The following RAD52 variants were observed in gnomAD, a reference collection of about 807,000 sequenced individuals.
RAD52 encodes DNA repair protein RAD52 homolog.
A neutral mutation model predicts 55.5 loss-of-function variants in RAD52; 47 were observed. That is an observed-to-expected ratio of 0.85 (90% confidence interval 0.67 to 1.08). The LOEUF (loss-of-function observed/expected upper bound fraction) is 1.08, where lower values mean the gene tolerates loss of function less well. RAD52 is among the 50% of genes least tolerant of loss of function. The pLI, the probability that RAD52 is intolerant of heterozygous loss-of-function variation, is 0.00. For synonymous variants in RAD52, 184 were observed against 198.9 expected, an observed-to-expected ratio of 0.92 and a Z score of 0.63; for missense variants, 468 against 522.8, an observed-to-expected ratio of 0.90 and a Z score of 1.02.
chr12:958,756 C>T (rs1371522094), intron 1 of RAD52, among the ~76,000 whole-genome samples: 1 of 152,126 alleles, frequency 6.6e-6, no homozygotes, highest in Non-Finnish European at 1.5e-5. Flanking sequence ...CTGGGTCCTG[C>T]AGGGTGCGTG....
chr12:967,653 G>A (rs371746802), intron 1 of RAD52, among the ~76,000 whole-genome samples: 4 of 151,984 alleles, frequency 2.6e-5, no homozygotes, highest in African/African-American at 4.8e-5. Flanking sequence ...CACCCAGGCC[G>A]AAGTTCAGTG....
intron 1 of RAD52, among the ~76,000 whole-genome samples, chr12:935,857 AAAATAAATAAAT>A (rs35867275): frequency 0.65 from 87,595 of 134,082 alleles, 27,131 homozygotes; most frequent in Middle Eastern, 0.71. Context: ...CCGTCTCAAA[AAAATAAATAAAT>A]AAATAAATAA....
chr12:973,782 C>CTTTTTTTTTTTT (rs750425355), intron 1 of RAD52, among the ~76,000 whole-genome samples: 14 of 113,490 alleles, frequency 1.2e-4, no homozygotes, highest in African/African-American at 5.2e-4. Flanking sequence ...CCCAGTCCTT[C>CTTTTTTTTTTTT]TTTTTTTTTT....
chr12:974,924 T>C (rs564310732), intron 1 of RAD52: 2 of 152,272 alleles, frequency 1.3e-5, no homozygotes, highest in African/African-American at 4.8e-5. Context: ...CCAACACCTG[T>C]GGTTACAGTA....
At chr12:945,591 A>G (rs1165112222) in intron 1 of RAD52, among the ~76,000 whole-genome samples, 5 of 151,008 alleles carry the variant, frequency 3.3e-5, no homozygotes, top group African/African-American at 1.2e-4. Flanking sequence ...GCGCGACCAC[A>G]CCCAGCTAAT....
At chr12:957,466 C>CAAAAAAA in intron 1 of RAD52, among the ~76,000 whole-genome samples, 1 of 44,056 alleles carries the variant, frequency 2.3e-5, no homozygotes, top group Non-Finnish European at 4.1e-5. Flanking sequence ...AACTTCGTCT[C>CAAAAAAA]AAAAAAAAAA....
chr12:918,243 C>G (rs1956515744), intron 7 of RAD52, among the ~76,000 whole-genome samples: 1 of 152,200 alleles, frequency 6.6e-6, no homozygotes, highest in Non-Finnish European at 1.5e-5. Flanking sequence ...TTGCCACATA[C>G]TCATGCAAAA....
At chr12:964,332 C>T (rs899750072) in intron 1 of RAD52, among the ~76,000 whole-genome samples, 1 of 152,080 alleles carries the variant, frequency 6.6e-6, no homozygotes, top group Admixed American at 6.6e-5. Context: ...CTTTGGGAGG[C>T]CGAGTCAGGC....
At chr12:975,420 C>G (rs929191897) in intron 1 of RAD52, 1 of 152,050 alleles carries the variant, frequency 6.6e-6, no homozygotes, top group Non-Finnish European at 1.5e-5. Context: ...AAAAACCACT[C>G]TCATATTCCT....
intron 1 of RAD52, among the ~76,000 whole-genome samples, chr12:945,253 A>C (rs1268161900): frequency 1.3e-5 from 2 of 151,890 alleles, no homozygotes; most frequent in African/African-American, 4.8e-5. Context: ...CAGGAGGCTA[A>C]GGCACAAGAA....
intron 1 of RAD52, among the ~76,000 whole-genome samples, chr12:968,692 C>T (rs1484051932): frequency 1.3e-5 from 2 of 152,024 alleles, no homozygotes; most frequent in African/African-American, 2.4e-5. Flanking sequence ...TGAAAAGCTT[C>T]AACTCATTGT....
intron 1 of RAD52, among the ~76,000 whole-genome samples, chr12:956,816 G>A (rs1193974735): frequency 6.6e-6 from 1 of 152,088 alleles, no homozygotes; most frequent in Non-Finnish European, 1.5e-5. Context: ...CAAAGTGCTG[G>A]GATTACAGGC....
chr12:955,936 A>G lies in RAD52; in HGVS notation c.-18-22860T>C, dbSNP rs558477809. ...GCTGGGATTACAGGCATGCGCCACC[A>G]TGCCCGGCTAATTTTTGCATTTTTA... On this transcript the variant is annotated intron_variant, in intron 1 of 11. Coordinates refer to the RAD52 transcript ENST00000430095. 5.2e-3 allele frequency among the ~76,000 whole-genome samples: 419 copies of G among 81,102 alleles called. 1 individual carries two copies. Among genetic ancestry groups the G allele is most frequent in the Middle Eastern group, 0.013 (2 of 160 alleles). The allele number at this position is 81,102 out of a possible 152,430, so 53.2% of individuals were successfully genotyped here.
intron 10 of RAD52, 107 bp downstream of exon 10, chr12:914,324 C>G (rs568418669): frequency 8.7e-6 from 13 of 1,500,594 alleles, no homozygotes; most frequent in Middle Eastern, 3.4e-4. Context: ...CCAGAACCCC[C>G]TCAACAAAAC....
At chr12:990,931 G>A (rs997684151), upstream of RAD52, 1 of 100,162 alleles carries the variant, frequency 1.0e-5, no homozygotes, top group African/African-American at 3.5e-5. Context: ...TGGCCGCAGG[G>A]GTCGTGTGTG....
chr12:930,924 A>G (rs1957292445), intron 3 of RAD52, among the ~76,000 whole-genome samples: 1 of 151,786 alleles, frequency 6.6e-6, no homozygotes, highest in South Asian at 2.1e-4. Flanking sequence ...CTGAGATGAC[A>G]CCACTGGTCG....
chr12:966,635 C>G (rs1307887758), intron 1 of RAD52, among the ~76,000 whole-genome samples: 2 of 151,788 alleles, frequency 1.3e-5, no homozygotes, highest in African/African-American at 4.9e-5. Flanking sequence ...CAACTTTTTC[C>G]CTTTTTTCCT....
Position 912,400 on chromosome 12 carries a change from C to T in RAD52, c.*991G>A, listed in dbSNP as rs1403139012. 7 of 201,352 alleles carry T rather than the reference C, an allele frequency of 3.5e-5. No individual in the cohort carries two copies. Among genetic ancestry groups the T allele is most frequent in the Non-Finnish European group, 4.1e-5 (4 of 97,694 alleles). 12.5% of individuals were successfully genotyped at this position (201,352 alleles called of 1,614,324 possible). On this transcript the variant is annotated 3_prime_UTR_variant, in exon 12 of 12. Transcript: ENST00000358495. Reference sequence around the variant, plus strand: ...AAATTATGTGTATGAGGCATATACACGAAACACAGGTGAATTCCACGTTCA... The same window carrying T: ...AAATTATGTGTATGAGGCATATACATGAAACACAGGTGAATTCCACGTTCA...
At chr12:959,247 G>C (rs907122207) in intron 1 of RAD52, among the ~76,000 whole-genome samples, 4 of 152,144 alleles carry the variant, frequency 2.6e-5, no homozygotes, top group African/African-American at 7.2e-5. Context: ...TGAAGTAATT[G>C]GCAAGGTTAG....
Sources: gnomAD v4.1 joint callset for allele counts (sites outside exome capture counted in the v4.1 genomes callset) on GRCh38, gnomAD v4.1.1 for gene constraint, MANE v1.5 for transcripts, NCBI Gene and HGNC (gene_info 2026-07-23, HGNC 2026-07-21) for gene names.